LRP1B: variants seen among roughly 807,000 people sequenced by gnomAD.
LRP1B encodes low-density lipoprotein receptor-related protein 1B.
Under a neutral mutation model 556.6 loss-of-function variants are expected in LRP1B, and 217 were observed. The ratio of observed to expected loss-of-function variants is 0.39; its 90% CI spans 0.35 to 0.44. The LOEUF (loss-of-function observed/expected upper bound fraction) is 0.44, where lower values mean the gene tolerates loss of function less well. Ranked by LOEUF, LRP1B falls within the 20% of genes least tolerant of loss-of-function variation. The pLI is 1.00. For synonymous variants in LRP1B, 2,047 were observed against 1,865.8 expected, an observed-to-expected ratio of 1.10 and a Z score of -2.50; for missense variants, 5,053 against 5,620.8, an observed-to-expected ratio of 0.90 and a Z score of 3.23.
At chr2:141,548,904 C>T (rs13012665) in intron 2 of LRP1B, among the ~76,000 whole-genome samples, 139,320 of 152,040 alleles carry the variant, frequency 0.92, 65,055 homozygotes, top group East Asian at 1. Flanking sequence ...CAACATAATC[C>T]CCTGAAGTAT....
chr2:141,598,957 C>T lies in LRP1B; in HGVS notation c.206-118424G>A, dbSNP rs1045353547. On this transcript the variant is annotated intron_variant, in intron 2 of 90. Transcript: ENST00000389484. ...ATATGATAGCCACACCAGAAATAGC[C>T]CTTCTGACTGTGGCCCTCTCAAATA... Among the ~76,000 whole-genome samples, 9 of 151,252 alleles carry T rather than the reference C, an allele frequency of 6.0e-5. No homozygotes were observed. In the South Asian group the frequency reaches 1.5e-3, roughly 24 times the overall value.
intron 1 of LRP1B, among the ~76,000 whole-genome samples, chr2:142,103,592 A>AT (rs1706641385): frequency 6.6e-6 from 1 of 152,024 alleles, no homozygotes; most frequent in African/African-American, 2.4e-5. Context: ...TAATGTACAA[A>AT]TTTTGCAGTT....
intron 2 of LRP1B, among the ~76,000 whole-genome samples, chr2:141,675,704 C>A (rs1450467863): frequency 6.8e-6 from 1 of 146,010 alleles, no homozygotes; most frequent in Non-Finnish European, 1.5e-5. Flanking sequence ...TATGTATATG[C>A]ACTGTTTTAG....
chr2:140,937,495 G>T (rs1344140397), intron 20 of LRP1B, among the ~76,000 whole-genome samples: 1 of 152,018 alleles, frequency 6.6e-6, no homozygotes, highest in East Asian at 1.9e-4. Context: ...ACAGTTTTGC[G>T]AGATGACAAG....
At chr2:141,593,918 AAAGTTACGTCCTTGGACCAG>A (rs1687425656) in intron 2 of LRP1B, among the ~76,000 whole-genome samples, 1 of 152,100 alleles carries the variant, frequency 6.6e-6, no homozygotes, top group Non-Finnish European at 1.5e-5. Flanking sequence ...AGCCAAGCTA[AAAGTTACGTCCTTGGACCAG>A]ATTGAGAACT....
intron 31 of LRP1B, among the ~76,000 whole-genome samples, chr2:140,836,397 A>T (rs1301479037): frequency 6.6e-6 from 1 of 152,162 alleles, no homozygotes; most frequent in Non-Finnish European, 1.5e-5. Flanking sequence ...TTTCCCAACC[A>T]TGTTGTCCCT....
intron 3 of LRP1B, among the ~76,000 whole-genome samples, chr2:141,392,530 G>C (rs1373248844): frequency 6.6e-6 from 1 of 151,624 alleles, no homozygotes; most frequent in Non-Finnish European, 1.5e-5. Context: ...GGAAAAAGGG[G>C]GAGATCAGAT....
At chr2:141,070,112 G>T (rs1183850025) in intron 7 of LRP1B, among the ~76,000 whole-genome samples, 1 of 151,704 alleles carries the variant, frequency 6.6e-6, no homozygotes, top group East Asian at 2.0e-4. Context: ...TTTCATCCAT[G>T]TCCCCACAAA....
intron 2 of LRP1B, among the ~76,000 whole-genome samples, chr2:141,525,905 T>G (rs997873649): frequency 5.9e-5 from 9 of 152,072 alleles, no homozygotes; most frequent in Non-Finnish European, 1.0e-4. Context: ...AAATTCAAAT[T>G]TAGCTGGGTG....
intron 2 of LRP1B, among the ~76,000 whole-genome samples, chr2:141,588,087 C>T (rs1317462281): frequency 1.3e-5 from 2 of 151,594 alleles, no homozygotes; most frequent in Admixed American, 1.3e-4. Context: ...TATTTGCTAA[C>T]TCTCTTTTTC....
chr2:141,121,301 T>A (rs922739788), intron 7 of LRP1B, among the ~76,000 whole-genome samples: 2 of 152,106 alleles, frequency 1.3e-5, no homozygotes, highest in Non-Finnish European at 2.9e-5. Context: ...AGACTATGTA[T>A]GAGGATTTTA....
At chr2:141,802,161 G>A (rs1024248543) in intron 2 of LRP1B, among the ~76,000 whole-genome samples, 7 of 152,104 alleles carry the variant, frequency 4.6e-5, no homozygotes, top group Non-Finnish European at 1.0e-4. Context: ...CAGAGGTGTT[G>A]GGAAGTGTTT....
At chr2:141,750,199 A>T (rs1037936784) in intron 2 of LRP1B, among the ~76,000 whole-genome samples, 19 of 152,160 alleles carry the variant, frequency 1.2e-4, no homozygotes, top group African/African-American at 4.6e-4. Context: ...CCAAATGTAT[A>T]ACAACTTGAG....
At chr2:140,248,395 G>A (rs1447777359) in intron 86 of LRP1B, among the ~76,000 whole-genome samples, 1 of 151,530 alleles carries the variant, frequency 6.6e-6, no homozygotes, top group Non-Finnish European at 1.5e-5. Context: ...TGAATATGGA[G>A]CATGATTTAA....
chr2:141,751,297 A>G (rs950481901), intron 2 of LRP1B, among the ~76,000 whole-genome samples: 8 of 152,254 alleles, frequency 5.3e-5, no homozygotes, highest in African/African-American at 1.7e-4. Context: ...AAAAAAGCCA[A>G]TTCTGGAAAA....
chr2:141,414,119 C>T (rs1207319688), intron 3 of LRP1B, among the ~76,000 whole-genome samples: 14 of 151,238 alleles, frequency 9.3e-5, no homozygotes, highest in Non-Finnish European at 1.5e-4. Flanking sequence ...TGCCTGTAGT[C>T]CCAGCTACTC....
At chr2:141,268,544 G>A (rs1684973418) in intron 3 of LRP1B, among the ~76,000 whole-genome samples, 1 of 152,036 alleles carries the variant, frequency 6.6e-6, no homozygotes, top group East Asian at 1.9e-4. Context: ...GCAACATGGA[G>A]GCTCTTGGAG....
intron 14 of LRP1B, among the ~76,000 whole-genome samples, chr2:141,008,139 T>C (rs907152957): frequency 6.6e-6 from 1 of 151,404 alleles, no homozygotes; most frequent in Non-Finnish European, 1.5e-5. Flanking sequence ...CATGTTTAAG[T>C]AACTACAAAT....
chr2:141,681,522 G>A (rs985250749), intron 2 of LRP1B, among the ~76,000 whole-genome samples: 1 of 151,864 alleles, frequency 6.6e-6, no homozygotes, highest in Admixed American at 6.6e-5. Context: ...CTTTATGTGT[G>A]TTTTATGATT....
Sources: gnomAD v4.1 joint callset for allele counts (sites outside exome capture counted in the v4.1 genomes callset) on GRCh38, gnomAD v4.1.1 for gene constraint, MANE v1.5 for transcripts, NCBI Gene and HGNC (gene_info 2026-07-23, HGNC 2026-07-21) for gene names.